MAD1L1: variants seen among roughly 807,000 people sequenced by gnomAD.
The protein encoded by MAD1L1 is mitotic arrest deficient 1 like 1, also known as mitotic spindle assembly checkpoint protein MAD1.
In MAD1L1, 95 loss-of-function variants were observed where a neutral mutation model predicts 96.9. The observed-to-expected ratio is 0.98, with a 90% CI of 0.83 to 1.16. MAD1L1 has a LOEUF of 1.16. Among genes scored for constraint, MAD1L1 ranks in the 50% most tolerant of loss-of-function variants. The pLI is 0.00. For missense variants in MAD1L1, 1,007 were observed against 954.4 expected (o/e 1.06, Z -0.73); for synonymous variants, 473 against 396.6 (o/e 1.19, Z -2.29).
intron 18 of MAD1L1, among the ~76,000 whole-genome samples, chr7:1,835,823 G>A (rs1294529178): frequency 1.3e-5 from 2 of 152,256 alleles, no homozygotes; most frequent in Non-Finnish European, 2.9e-5. Context: ...ATGAAGGGGT[G>A]GATTATTCAT....
intron 17 of MAD1L1, among the ~76,000 whole-genome samples, chr7:1,919,004 C>T (rs902806864): frequency 6.6e-6 from 1 of 152,266 alleles, no homozygotes; most frequent in Non-Finnish European, 1.5e-5. Context: ...CGGCTCTTGC[C>T]AGCAGGGCAG....
At chr7:2,075,203 G>A (rs546872128) in intron 11 of MAD1L1, among the ~76,000 whole-genome samples, 20 of 152,314 alleles carry the variant, frequency 1.3e-4, no homozygotes, top group Non-Finnish European at 2.2e-4. Context: ...AGGAAGGGCC[G>A]GCACAAAGTG....
At chr7:2,091,187 G>A (rs1274322666) in intron 11 of MAD1L1, among the ~76,000 whole-genome samples, 1 of 152,126 alleles carries the variant, frequency 6.6e-6, no homozygotes, top group Admixed American at 6.5e-5. Context: ...AGACACTCCA[G>A]GCTCCTCCTG....
At chr7:1,997,312 G>A (rs998094316) in intron 14 of MAD1L1, among the ~76,000 whole-genome samples, 1 of 152,246 alleles carries the variant, frequency 6.6e-6, no homozygotes, top group African/African-American at 2.4e-5. Flanking sequence ...CCAGACCACT[G>A]TGGACAGAAG....
At chr7:2,079,344 A>C (rs747935956) in intron 11 of MAD1L1, among the ~76,000 whole-genome samples, 9 of 152,212 alleles carry the variant, frequency 5.9e-5, no homozygotes, top group Non-Finnish European at 1.3e-4. Context: ...TCCAAGTGTC[A>C]ATACACATTT....
chr7:2,019,748 C>T (rs894829742), intron 12 of MAD1L1, among the ~76,000 whole-genome samples: 7 of 152,086 alleles, frequency 4.6e-5, no homozygotes, highest in Admixed American at 1.3e-4. Context: ...CGCCTCGCCA[C>T]GCCACAGTGC....
rs1182779921 is a variant in MAD1L1 at position 1,875,679 on chromosome 7, C to T, written c.1998+22521G>A. ...GGTATAAGGGAACCCTGTTTAGTAA[C>T]GCTGCATGTGCAACAGATAACAGGT... On this transcript the variant is annotated intron_variant, in intron 18 of 18. Transcript: ENST00000265854. Among the ~76,000 whole-genome samples the T allele has an allele frequency of 5.9e-5, 9 of 152,328 alleles. No homozygotes were observed. The South Asian group carries it at 1.2e-3, about 21-fold the overall frequency.
intron 18 of MAD1L1, among the ~76,000 whole-genome samples, chr7:1,895,587 A>C (rs1358187992): frequency 2.6e-5 from 4 of 152,246 alleles, no homozygotes; most frequent in Non-Finnish European, 5.9e-5. Context: ...GGGTAAGCTA[A>C]AAGCAACCTC....
In MAD1L1 at chr7:1,974,924, C is replaced by T. The variant is rs554224618; in HGVS notation, c.1505+5529G>A. Among the ~76,000 whole-genome samples, 42 of 152,370 alleles carry T rather than the reference C, an allele frequency of 2.8e-4. No individual in the cohort carries two copies. The East Asian group carries it at 8.1e-3, about 29-fold the overall frequency. On this transcript the variant is annotated intron_variant, in intron 15 of 18. Coordinates refer to ENST00000265854, the MANE Select transcript of MAD1L1 (RefSeq NM_001013836.2). ...GCAGGTCCGGGGTACAGGACCCAGG[C>T]AGGCAGGGCCCTGAGGACCCAAGCT...
intron 5 of MAD1L1, 147 bp downstream of exon 5, chr7:2,222,428 T>C: frequency 3.2e-6 from 2 of 618,904 alleles, no homozygotes; most frequent in Non-Finnish European, 2.5e-6. Context: ...AAATTAATAC[T>C]TCTACTGATG....
chr7:2,061,243 A>G (rs1222968064), intron 12 of MAD1L1, among the ~76,000 whole-genome samples: 1 of 152,256 alleles, frequency 6.6e-6, no homozygotes, highest in Non-Finnish European at 1.5e-5. Flanking sequence ...AGGCTGAGGC[A>G]GGAGAATTGC....
In MAD1L1 at chr7:1,951,133, T is replaced by C. The variant is rs192086333; in HGVS notation, c.1596+6496A>G. Among the ~76,000 whole-genome samples, 19 of 152,350 alleles carry C rather than the reference T, an allele frequency of 1.2e-4. No individual in the cohort carries two copies. In the East Asian group the frequency reaches 3.5e-3, roughly 28 times the overall value. On this transcript the variant is annotated intron_variant, in intron 16 of 18. Transcript: ENST00000265854. ...ACTGGGTCCCTGCCAGACTGGCGGA[T>C]GAGCAGGAGCCCTGGACAGCCTCTG...
intron 15 of MAD1L1, among the ~76,000 whole-genome samples, chr7:1,973,853 T>C (rs1308222949): frequency 6.6e-6 from 1 of 152,222 alleles, no homozygotes; most frequent in Non-Finnish European, 1.5e-5. Context: ...GGCCTGCCTC[T>C]GCTGAATGGC....
At chr7:1,865,769 A>G (rs996946703) in intron 18 of MAD1L1, among the ~76,000 whole-genome samples, 2 of 152,264 alleles carry the variant, frequency 1.3e-5, no homozygotes, top group Non-Finnish European at 2.9e-5. Flanking sequence ...ACAGACCCAG[A>G]GAGCGGCTGC....
intron 12 of MAD1L1, among the ~76,000 whole-genome samples, chr7:2,039,057 G>A (rs1285510098): frequency 3.9e-5 from 6 of 152,210 alleles, no homozygotes; most frequent in South Asian, 2.1e-4. Flanking sequence ...CGTAACTCAC[G>A]GCAGCCATCC....
chr7:2,007,379 G>A (rs1188319350), intron 13 of MAD1L1, among the ~76,000 whole-genome samples: 1 of 152,264 alleles, frequency 6.6e-6, no homozygotes, highest in African/African-American at 2.4e-5. Context: ...GGAAGAGCCT[G>A]GCAATGTCTT....
Position 1,878,039 on chromosome 7 carries a change from G to A in MAD1L1, c.1998+20161C>T, listed in dbSNP as rs531581516. Among the ~76,000 whole-genome samples, 14 of 152,102 alleles carry A rather than the reference G, an allele frequency of 9.2e-5. No individual in the cohort carries two copies. The South Asian group carries it at 2.7e-3, about 29-fold the overall frequency. ...CTATGGGTAATACAAGGATAATAAT[G>A]AATTATTATGAATGATTTTATGCCA... On this transcript the variant is annotated intron_variant, in intron 18 of 18. Transcript: ENST00000265854.
chr7:1,894,915 G>T (rs542288072), intron 18 of MAD1L1, among the ~76,000 whole-genome samples: 1 of 152,234 alleles, frequency 6.6e-6, no homozygotes, highest in South Asian at 2.1e-4. Context: ...ACCCAGCAGT[G>T]GGGGAGAAAC....
At chr7:2,011,640 G>A (rs1486272750) in intron 13 of MAD1L1, among the ~76,000 whole-genome samples, 2 of 152,204 alleles carry the variant, frequency 1.3e-5, no homozygotes, top group Admixed American at 6.5e-5. Context: ...AAGAGCTGAC[G>A]CGGAGGTGCC....
Sources: gnomAD v4.1 joint callset for allele counts (sites outside exome capture counted in the v4.1 genomes callset) on GRCh38, gnomAD v4.1.1 for gene constraint, MANE v1.5 for transcripts, NCBI Gene and HGNC (gene_info 2026-07-23, HGNC 2026-07-21) for gene names.